The following LCTL variants were observed in gnomAD, a reference collection of about 807,000 sequenced individuals.
LCTL encodes the protein lactase like, also known as lactase-like protein.
In LCTL, 76 loss-of-function variants were observed where a neutral mutation model predicts 75.8. The ratio of observed to expected loss-of-function variants is 1.00; its 90% CI spans 0.83 to 1.21. LCTL has a LOEUF of 1.21. LCTL is among the 50% of genes most tolerant of loss of function. The pLI, the probability that LCTL is intolerant of heterozygous loss-of-function variation, is 0.00. For synonymous variants in LCTL, 271 were observed against 268.8 expected, an observed-to-expected ratio of 1.01 and a Z score of -0.08; for missense variants, 670 against 712.4, an observed-to-expected ratio of 0.94 and a Z score of 0.68.
intron 9 of LCTL, 90 bp from the exon 11 acceptor site, chr15:66,552,259 A>G: frequency 9.9e-7 from 1 of 1,010,510 alleles, no homozygotes; most frequent in Non-Finnish European, 1.4e-6. Context: ...ACACATATTC[A>G]AGCCTGCCAC....
intron 6 of LCTL, among the ~76,000 whole-genome samples, chr15:66,560,466 G>A (rs1017678236): frequency 3.3e-5 from 5 of 151,978 alleles, no homozygotes; most frequent in African/African-American, 4.8e-5. Flanking sequence ...GAGCACCTCC[G>A]CTGCAGCTCC....
chr15:66,548,580 C>A (rs765826907), exon 13 of LCTL: 1 of 1,610,684 alleles, frequency 6.2e-7, no homozygotes, highest in Non-Finnish European at 8.5e-7. Flanking sequence ...TCTCCGTAAC[C>A]ATTTGCATGT....
chr15:66,565,734 C>G (rs1896009070), upstream of LCTL: 2 of 205,416 alleles, frequency 9.7e-6, no homozygotes, highest in Non-Finnish European at 1.9e-5. Context: ...CCCTTTGGCT[C>G]TCCCAACGAC....
chr15:66,547,572 T>G (rs889527094), exon 13 of LCTL: 1 of 152,150 alleles, frequency 6.6e-6, no homozygotes, highest in Non-Finnish European at 1.5e-5. Context: ...AAGACGATAT[T>G]GAGTTACCTA....
intron 8 of LCTL, among the ~76,000 whole-genome samples, chr15:66,555,229 C>G (rs1287550460): frequency 6.6e-6 from 1 of 152,090 alleles, no homozygotes; most frequent in African/African-American, 2.4e-5. Flanking sequence ...TGCACTGATA[C>G]AATAGCCACT....
At chr15:66,548,513 G>A in exon 13 of LCTL, 2 of 1,608,146 alleles carry the variant, frequency 1.2e-6, no homozygotes, top group Non-Finnish European at 1.7e-6. Context: ...CTCAGGAGGA[G>A]CATTAGTAGA....
intron 12 of LCTL, chr15:66,549,778 G>T (rs970418806): frequency 7.0e-6 from 2 of 286,606 alleles, no homozygotes; most frequent in African/African-American, 4.4e-5. Flanking sequence ...AAAATAGTAG[G>T]TATATAAATT....
chr15:66,549,490 A>G (rs1342286533), intron 12 of LCTL: 2 of 152,216 alleles, frequency 1.3e-5, no homozygotes, highest in African/African-American at 4.8e-5. Flanking sequence ...AACAAATAAT[A>G]TGTGTTGGCA....
chr15:66,553,356 G>T, intron 8 of LCTL, 98 bp from the exon 10 acceptor site: 2 of 1,079,262 alleles, frequency 1.9e-6, no homozygotes, highest in Non-Finnish European at 1.3e-6. Context: ...ATAAACGGTG[G>T]GCTTTAGGAT....
intron 8 of LCTL, among the ~76,000 whole-genome samples, chr15:66,556,111 T>A (rs1361760647): frequency 6.6e-6 from 1 of 152,146 alleles, no homozygotes; most frequent in African/African-American, 2.4e-5. Context: ...TAAAAAAAAA[T>A]TAAAAATGGA....
intron 8 of LCTL, 75 bp from the exon 10 acceptor site, chr15:66,553,333 G>C (rs1895659944): frequency 8.1e-7 from 1 of 1,229,526 alleles, no homozygotes; most frequent in African/African-American, 1.5e-5. Context: ...CATGACGATA[G>C]TGACATCTTG....
intron 6 of LCTL, among the ~76,000 whole-genome samples, chr15:66,559,107 C>T (rs879434212): frequency 1.3e-5 from 2 of 151,766 alleles, no homozygotes; most frequent in African/African-American, 4.8e-5. Context: ...AAGTGATCCT[C>T]CTGCTCAAGT....
chr15:66,555,090 T>C (rs1210420365), intron 8 of LCTL, among the ~76,000 whole-genome samples: 1 of 152,144 alleles, frequency 6.6e-6, no homozygotes, highest in African/African-American at 2.4e-5. Flanking sequence ...ATAGTTTAGA[T>C]AAAATGAATA....
At chr15:66,562,900 A>G (rs1395552582) in intron 4 of LCTL, among the ~76,000 whole-genome samples, 1 of 152,190 alleles carries the variant, frequency 6.6e-6, no homozygotes, top group Non-Finnish European at 1.5e-5. Context: ...TCTTAGTTAA[A>G]AGACATATCT....
chr15:66,554,799 G>A (rs1182019818), intron 8 of LCTL, among the ~76,000 whole-genome samples: 1 of 152,056 alleles, frequency 6.6e-6, no homozygotes, highest in Non-Finnish European at 1.5e-5. Flanking sequence ...AGCTTGCCAG[G>A]ATATAGGTTT....
chr15:66,560,175 C>A (rs1438391932), intron 6 of LCTL, among the ~76,000 whole-genome samples: 3 of 152,094 alleles, frequency 2.0e-5, no homozygotes, highest in Non-Finnish European at 2.9e-5. Context: ...AGAAAATGTT[C>A]TCCCTGATAT....
chr15:66,554,094 C>T lies in LCTL; in HGVS notation c.923-836G>A, dbSNP rs373377980. ...ATCACGATGTTTAGGAGCTTGAGATCAGCCTGACCAACATGGTGAAACCCC... is the reference window on the plus strand; with the variant it reads ...ATCACGATGTTTAGGAGCTTGAGATTAGCCTGACCAACATGGTGAAACCCC... On this transcript the variant is annotated intron_variant, in intron 8 of 12. Transcript: ENST00000341509. Among the ~76,000 whole-genome samples the T allele has an allele frequency of 3.8e-4, 58 of 152,036 alleles. 3 individuals are homozygous for T. The South Asian group carries it at 0.012, about 31-fold the overall frequency.
intron 8 of LCTL, among the ~76,000 whole-genome samples, chr15:66,553,624 A>G (rs1313868060): frequency 6.6e-6 from 1 of 151,784 alleles, no homozygotes; most frequent in Non-Finnish European, 1.5e-5. Context: ...GCGTGGTGGC[A>G]GCCGCCTGTA....
At position 66,552,875 on chromosome 15, in the gene LCTL, C is replaced by G. The variant is rs74964776; in HGVS notation, c.1197+109G>C. The G allele has an allele frequency of 3.1e-3, 3,078 of 980,446 alleles. 57 individuals are homozygous for G. The African/African-American group carries it at 0.045, about 14-fold the overall frequency. 60.7% of individuals were successfully genotyped at this position (980,446 alleles called of 1,614,324 possible). A position where few individuals can be genotyped will look rare whatever the true frequency, so the allele number is the denominator to read the frequency against. ...TTAGTAGCCTCTGAAGTATGAGTAACTAGGTTTATTTTGTTTTATTAACTT... is the reference window on the plus strand; with the variant it reads ...TTAGTAGCCTCTGAAGTATGAGTAAGTAGGTTTATTTTGTTTTATTAACTT... On this transcript the variant is annotated intron_variant, in intron 9 of 12. Coordinates refer to ENST00000341509, the Ensembl canonical transcript of LCTL.
Sources: allele counts gnomAD v4.1 joint callset (sites outside exome capture counted in the v4.1 genomes callset), GRCh38; gene constraint gnomAD v4.1.1; transcripts MANE v1.5; gene names NCBI Gene and HGNC (gene_info 2026-07-23, HGNC 2026-07-21).